The following CSMD3 variants were observed in gnomAD, a reference collection of about 807,000 sequenced individuals.
The protein encoded by CSMD3 is CUB and Sushi multiple domains 3.
A neutral mutation model predicts 435.2 loss-of-function variants in CSMD3; 177 were observed. The observed-to-expected ratio is 0.41, with a 90% CI of 0.36 to 0.46. The LOEUF is 0.46. Ranked by LOEUF, CSMD3 falls within the 20% of genes least tolerant of loss-of-function variation. CSMD3 has a pLI of 0.34. For missense variants in CSMD3, 4,265 were observed against 4,504.6 expected (o/e 0.95, Z 1.52); for synonymous variants, 1,656 against 1,520.5 (o/e 1.09, Z -2.07).
chr8:112,433,468 C>A (rs543695284), intron 32 of CSMD3, among the ~76,000 whole-genome samples: 3 of 151,156 alleles, frequency 2.0e-5, no homozygotes, highest in Non-Finnish European at 3.0e-5. Context: ...CCAGCCTGGG[C>A]AACATAGTAA....
chr8:113,302,609 TA>T (rs1308362719), intron 2 of CSMD3, among the ~76,000 whole-genome samples: 1 of 151,974 alleles, frequency 6.6e-6, no homozygotes, highest in Non-Finnish European at 1.5e-5. Context: ...ATGCTTTCTG[TA>T]AGATTATCAA....
At chr8:112,762,868 G>C (rs1480272198) in intron 13 of CSMD3, among the ~76,000 whole-genome samples, 2 of 151,924 alleles carry the variant, frequency 1.3e-5, no homozygotes, top group African/African-American at 4.8e-5. Context: ...CATAAAAACA[G>C]AGAGTAGCAT....
chr8:112,278,675 G>C (rs1818324647), intron 59 of CSMD3, among the ~76,000 whole-genome samples: 1 of 152,140 alleles, frequency 6.6e-6, no homozygotes, highest in African/African-American at 2.4e-5. Flanking sequence ...ACAAGGAGTG[G>C]TCACCATGTG....
At chr8:112,292,757 A>T (rs2130692180) in intron 54 of CSMD3, 47 bp from the exon 55 acceptor site, 1 of 1,515,496 alleles carries the variant, frequency 6.6e-7, no homozygotes, top group Non-Finnish European at 9.2e-7. Flanking sequence ...CAGAAAAAAA[A>T]TATTTAGTTA....
intron 38 of CSMD3, among the ~76,000 whole-genome samples, chr8:112,379,296 C>T (rs763667571): frequency 1.8e-4 from 27 of 151,994 alleles, no homozygotes; most frequent in Non-Finnish European, 3.4e-4. Flanking sequence ...ATGGTGAAAC[C>T]CTGTCTCTAC....
chr8:113,232,056 A>G (rs2093094594), intron 3 of CSMD3, among the ~76,000 whole-genome samples: 1 of 151,560 alleles, frequency 6.6e-6, no homozygotes. Context: ...CGCAATTCAC[A>G]AAGAATTTAT....
At chr8:112,315,127 G>T (rs904401043) in intron 47 of CSMD3, among the ~76,000 whole-genome samples, 1 of 151,920 alleles carries the variant, frequency 6.6e-6, no homozygotes, top group East Asian at 1.9e-4. Context: ...TTTACCATGA[G>T]GATTTAACAC....
intron 20 of CSMD3, among the ~76,000 whole-genome samples, chr8:112,640,415 G>T (rs964049242): frequency 6.6e-6 from 1 of 151,762 alleles, no homozygotes; most frequent in African/African-American, 2.4e-5. Context: ...ATTCTTAAGA[G>T]TCTCCATTGT....
Position 112,947,890 on chromosome 8 carries a change from G to A in CSMD3, c.1421-13C>T, listed in dbSNP as rs778498874. 5.5e-5 allele frequency: 67 copies of A among 1,224,178 alleles called. No individual in the cohort carries two copies. The South Asian group carries it at 7.2e-4, about 13-fold the overall frequency. 75.8% of individuals were successfully genotyped at this position (1,224,178 alleles called of 1,614,324 possible). The stretch of plus-strand genomic sequence containing the variant: ...CCTCCCTCATTTACTGCAACAGCAG[G>A]GAAAAAAGAAAAAAGAAACAAAATA... On this transcript the variant is annotated splice_polypyrimidine_tract_variant and intron_variant, in intron 8 of 70. Coordinates refer to ENST00000297405, the MANE Select transcript of CSMD3 (RefSeq NM_198123.2).
chr8:112,872,729 ATTAC>A (rs1194107282), intron 10 of CSMD3, among the ~76,000 whole-genome samples: 3 of 152,032 alleles, frequency 2.0e-5, no homozygotes, highest in East Asian at 1.9e-4. Context: ...AGTCATGTGA[ATTAC>A]TTATTTATTA....
Position 112,410,538 on chromosome 8 carries a change from GGAAA to G in CSMD3, c.5396-1510_5396-1507del, listed in dbSNP as rs199902677. 9.0e-3 allele frequency among the ~76,000 whole-genome samples: 1,170 copies of G among 129,818 alleles called. 31 individuals are homozygous for G. The highest frequency in any genetic ancestry group is 0.03 in the African/African-American group (1,072 of 36,058). 85.2% of individuals were successfully genotyped at this position (129,818 alleles called of 152,430 possible). ...TATATATGTATATTTGTTTTCTAAT[GGAAA>G]GAAAGAGTTAAAGGATGCTGAATTG... On this transcript the variant is annotated intron_variant, in intron 32 of 70. Transcript: ENST00000297405.
At chr8:112,964,995 T>C (rs2084365129) in intron 7 of CSMD3, among the ~76,000 whole-genome samples, 2 of 151,974 alleles carry the variant, frequency 1.3e-5, no homozygotes, top group Admixed American at 6.6e-5. Context: ...AGGGTAGCCA[T>C]ATGCTCTAGA....
chr8:113,187,330 G>A (rs2092521272), intron 3 of CSMD3, among the ~76,000 whole-genome samples: 1 of 151,754 alleles, frequency 6.6e-6, no homozygotes, highest in Non-Finnish European at 1.5e-5. Context: ...CTGGAGTAAA[G>A]TTTACATAGA....
chr8:112,236,623 C>A (rs1005119833), intron 67 of CSMD3, among the ~76,000 whole-genome samples: 2 of 151,978 alleles, frequency 1.3e-5, no homozygotes, highest in Non-Finnish European at 2.9e-5. Context: ...GAGGAGGTGA[C>A]TTGTGAGAGA....
At chr8:112,994,343 T>A (rs1399342406) in intron 6 of CSMD3, among the ~76,000 whole-genome samples, 1 of 151,558 alleles carries the variant, frequency 6.6e-6, no homozygotes, top group Non-Finnish European at 1.5e-5. Context: ...TTGTGAAGAA[T>A]AGCTACATAC....
At position 112,820,769 on chromosome 8, in the gene CSMD3, A is replaced by C. The variant is rs187203055; in HGVS notation, c.1859+8917T>G. On this transcript the variant is annotated intron_variant, in intron 12 of 70. Coordinates refer to ENST00000297405, the MANE Select transcript of CSMD3 (RefSeq NM_198123.2). ...AGCCGTCATCTAGGTTTTAAGTCCCATATGCATTTAGCTATTTGTCCTAAT... is the reference window on the plus strand; with the variant it reads ...AGCCGTCATCTAGGTTTTAAGTCCCCTATGCATTTAGCTATTTGTCCTAAT... Among the ~76,000 whole-genome samples the C allele has an allele frequency of 3.9e-5, 6 of 151,946 alleles. No individual in the cohort carries two copies. In the East Asian group the frequency reaches 1.2e-3, roughly 30 times the overall value.
Position 112,492,688 on chromosome 8 carries a change from A to G in CSMD3, c.5084-5T>C. 3 of 1,611,666 alleles carry G rather than the reference A, an allele frequency of 1.9e-6. No homozygotes were observed. Among genetic ancestry groups the G allele is most frequent in the Non-Finnish European group, 2.5e-6 (3 of 1,177,808 alleles). On this transcript the variant is annotated splice_region_variant and splice_polypyrimidine_tract_variant and intron_variant, in intron 30 of 70. Coordinates refer to ENST00000297405, the MANE Select transcript of CSMD3 (RefSeq NM_198123.2). ...AGCAGGACTCTCGCAGTTTTGCTGT[A>G]AAACAGTGTTAGTATAACATTAATT... is the stretch of plus-strand genomic sequence containing the variant.
chr8:112,791,194 G>A lies in CSMD3; in HGVS notation c.1972+8968C>T, dbSNP rs150595605. ...AAAAATTAGCCATGCATGGTGGCAC[G>A]TGCCTGTTGTCCCAGCTACTCGGGA... On this transcript the variant is annotated intron_variant, in intron 13 of 70. Coordinates refer to ENST00000297405, the MANE Select transcript of CSMD3 (RefSeq NM_198123.2). Among the ~76,000 whole-genome samples, 55 of 151,832 alleles carry A rather than the reference G, an allele frequency of 3.6e-4. No individual in the cohort carries two copies. In the East Asian group the frequency reaches 8.4e-3, roughly 23 times the overall value.
intron 1 of CSMD3, among the ~76,000 whole-genome samples, chr8:113,329,396 T>C (rs1200039413): frequency 2.0e-5 from 3 of 152,186 alleles, no homozygotes; most frequent in African/African-American, 7.2e-5. Context: ...TTGAAGTTCA[T>C]GAAGAAGAAT....
Sources: gnomAD v4.1 joint callset for allele counts (sites outside exome capture counted in the v4.1 genomes callset) on GRCh38, gnomAD v4.1.1 for gene constraint, MANE v1.5 for transcripts, NCBI Gene and HGNC (gene_info 2026-07-23, HGNC 2026-07-21) for gene names.